BAIAP2: variants seen among roughly 807,000 people sequenced by gnomAD.
BAIAP2 encodes BAR/IMD domain-containing adapter protein 2.
Under a neutral mutation model 63.0 loss-of-function variants are expected in BAIAP2, and 18 were observed. The ratio of observed to expected loss-of-function variants is 0.29; its 90% CI spans 0.20 to 0.42. The LOEUF (loss-of-function observed/expected upper bound fraction) is 0.42. Among genes scored for constraint, BAIAP2 ranks in the 10% least tolerant of loss-of-function variants. BAIAP2 has a pLI of 1.00. For missense variants in BAIAP2, 610 were observed against 734.3 expected, an observed-to-expected ratio of 0.83 and a Z score of 1.96; for synonymous variants, 386 against 307.6, an observed-to-expected ratio of 1.25 and a Z score of -2.67.
chr17:81,084,061 C>T (rs972973701), intron 3 of BAIAP2, among the ~76,000 whole-genome samples: 4 of 152,232 alleles, frequency 2.6e-5, no homozygotes, highest in African/African-American at 7.2e-5. Context: ...AGGCCTCTGA[C>T]GGCGCTTACC....
chr17:81,038,782 C>T (rs1220660376), intron 1 of BAIAP2, among the ~76,000 whole-genome samples: 2 of 152,222 alleles, frequency 1.3e-5, no homozygotes, highest in African/African-American at 2.4e-5. Flanking sequence ...CCACATCCAG[C>T]TTCTTCCTGG....
At chr17:81,110,074 A>T (rs1188263431) in intron 13 of BAIAP2, 1 of 985,170 alleles carries the variant, frequency 1.0e-6, no homozygotes, top group Non-Finnish European at 1.2e-6. Flanking sequence ...TCCCACACTG[A>T]ACTCTGGGGA....
intron 2 of BAIAP2, among the ~76,000 whole-genome samples, chr17:81,057,025 C>T (rs983682581): frequency 6.6e-6 from 1 of 152,262 alleles, no homozygotes; most frequent in Non-Finnish European, 1.5e-5. Context: ...ACAAATTGTG[C>T]GCTTAATTGA....
intron 6 of BAIAP2, among the ~76,000 whole-genome samples, chr17:81,088,915 A>C (rs1428557907): frequency 7.9e-5 from 12 of 152,176 alleles, no homozygotes; most frequent in East Asian, 1.9e-4. Flanking sequence ...TCCCTCCTGC[A>C]GGCTGGAGCC....
intron 13 of BAIAP2, among the ~76,000 whole-genome samples, chr17:81,114,307 G>A (rs973405546): frequency 9.9e-5 from 15 of 152,004 alleles, no homozygotes; most frequent in African/African-American, 2.4e-4. Flanking sequence ...AGCTCCCTCC[G>A]GACCCTGGGC....
intron 1 of BAIAP2, among the ~76,000 whole-genome samples, chr17:81,050,340 T>A (rs2048470942): frequency 6.8e-6 from 1 of 147,380 alleles, no homozygotes; most frequent in African/African-American, 2.5e-5. Context: ...CGTGCCCAGG[T>A]GTCCTGGTGG....
intron 3 of BAIAP2, among the ~76,000 whole-genome samples, chr17:81,069,629 C>A (rs1298763110): frequency 6.6e-6 from 1 of 152,168 alleles, no homozygotes; most frequent in South Asian, 2.1e-4. Context: ...GTCTGCGAGG[C>A]CCCTGGAAAA....
At position 81,035,239 on chromosome 17, in the gene BAIAP2, G is replaced by A. The variant is rs1231657712; in HGVS notation, c.-16G>A. ...GTCCCCCGCTCCGGTCTGTGGTGCA[G>A]CCGGGACCCAGGACCATGTCTCTGT... On this transcript the variant is annotated 5_prime_UTR_variant, in exon 1 of 14. Coordinates refer to ENST00000428708, the MANE Select transcript of BAIAP2 (RefSeq NM_001144888.2). 2 of 1,506,798 alleles carry A rather than the reference G, an allele frequency of 1.3e-6. No individual in the cohort carries two copies. The highest frequency in any genetic ancestry group is 1.8e-6 in the Non-Finnish European group (2 of 1,122,164). The allele number at this position is 1,506,798 out of a possible 1,614,324, so 93.3% of individuals were successfully genotyped here.
At chr17:81,110,254 C>T (rs1331123400) in intron 13 of BAIAP2, 15 of 881,298 alleles carry the variant, frequency 1.7e-5, no homozygotes, top group South Asian at 5.6e-5. Flanking sequence ...ACGCGGACCG[C>T]GTGACATTAA....
rs763158815 is a variant in BAIAP2 at position 81,100,096 on chromosome 17, GC to G, written c.642+17del. The stretch of plus-strand genomic sequence containing the variant: ...CCACTCCAAGGTGAGGCGGCTGGGG[GC>G]TGCGCTGTGCCGGCGCTGGGCCTTG... On this transcript the variant is annotated intron_variant, in intron 7 of 13. Coordinates refer to ENST00000428708, the MANE Select transcript of BAIAP2 (RefSeq NM_001144888.2). 5 of 1,600,308 alleles carry G rather than the reference GC, an allele frequency of 3.1e-6. No homozygotes were observed. In the Admixed American group the frequency reaches 8.5e-5, roughly 27 times the overall value.
intron 6 of BAIAP2, among the ~76,000 whole-genome samples, chr17:81,088,127 G>A (rs892919968): frequency 8.5e-5 from 13 of 152,164 alleles, no homozygotes; most frequent in East Asian, 5.9e-4. Flanking sequence ...GACAAGCAGC[G>A]GACGGCACCC....
At chr17:81,068,579 G>T (rs1157434742) in intron 3 of BAIAP2, among the ~76,000 whole-genome samples, 1 of 152,204 alleles carries the variant, frequency 6.6e-6, no homozygotes, top group Non-Finnish European at 1.5e-5. Flanking sequence ...CAAGGACCCC[G>T]CAGTCAGCAG....
chr17:81,106,372 G>A (rs2059181666), intron 11 of BAIAP2, among the ~76,000 whole-genome samples: 1 of 152,230 alleles, frequency 6.6e-6, no homozygotes, highest in South Asian at 2.1e-4. Flanking sequence ...CACCAGAGCA[G>A]GCAGCAGGTG....
chr17:81,051,448 G>A (rs1479010447), intron 1 of BAIAP2, among the ~76,000 whole-genome samples: 3 of 152,138 alleles, frequency 2.0e-5, no homozygotes, highest in Admixed American at 6.5e-5. Context: ...TTGCCAGGCT[G>A]GAGTGCAGTG....
chr17:81,035,178 C>A lies in BAIAP2; in HGVS notation c.-77C>A, dbSNP rs1028291383. The stretch of plus-strand genomic sequence containing the variant: ...GGTTCGGGTCCGCTTTCGTCTCCGT[C>A]CTGCTGCCGTTACCGCCGCTGCTGC... On this transcript the variant is annotated 5_prime_UTR_variant, in exon 1 of 14. Transcript: ENST00000428708. 4 of 1,261,392 alleles carry A rather than the reference C, an allele frequency of 3.2e-6. No individual in the cohort carries two copies. The highest frequency in any genetic ancestry group is 2.6e-5 in the Admixed American group (1 of 38,944). The allele number at this position is 1,261,392 out of a possible 1,614,324, so 78.1% of individuals were successfully genotyped here. A position where few individuals can be genotyped will look rare whatever the true frequency, so the allele number is the denominator to read the frequency against.
chr17:81,086,791 C>G (rs1036619432), intron 6 of BAIAP2: 3 of 577,102 alleles, frequency 5.2e-6, no homozygotes, highest in Non-Finnish European at 9.3e-6. Context: ...CTGTCCTGCT[C>G]TTGCAGCCTC....
chr17:81,095,308 C>G (rs1219007377), intron 6 of BAIAP2, among the ~76,000 whole-genome samples: 2 of 152,184 alleles, frequency 1.3e-5, no homozygotes, highest in East Asian at 3.8e-4. Context: ...CCTGCACTTT[C>G]CACACAGCTC....
In BAIAP2 at chr17:81,037,031, C is replaced by G. The variant is rs554696867; in HGVS notation, c.54+1723C>G. On this transcript the variant is annotated intron_variant, in intron 1 of 13. Transcript: ENST00000428708. Reference sequence around the variant, plus strand: ...TCGTCCTTAATAAAACTCTCCTAACCGGGCAGTAGGCCTTCACCTAGGTGA... The same window carrying G: ...TCGTCCTTAATAAAACTCTCCTAACGGGGCAGTAGGCCTTCACCTAGGTGA... 7.1e-5 allele frequency: 94 copies of G among 1,324,082 alleles called. No individual in the cohort carries two copies. The African/African-American group carries it at 1.2e-3, about 17-fold the overall frequency. The allele number at this position is 1,324,082 out of a possible 1,614,324, so 82.0% of individuals were successfully genotyped here. A position where few individuals can be genotyped will look rare whatever the true frequency, so the allele number is the denominator to read the frequency against.
intron 3 of BAIAP2, chr17:81,083,578 G>A (rs574984192): frequency 1.3e-5 from 2 of 152,366 alleles, no homozygotes; most frequent in East Asian, 1.9e-4. Context: ...GGACAGCCCT[G>A]AGGGGCTGTG....
Sources: gnomAD v4.1 joint callset for allele counts (sites outside exome capture counted in the v4.1 genomes callset) on GRCh38, gnomAD v4.1.1 for gene constraint, MANE v1.5 for transcripts, NCBI Gene and HGNC (gene_info 2026-07-23, HGNC 2026-07-21) for gene names.